Variants in PALM2AKAP2 observed in about 807,000 individuals in gnomAD.
PALM2AKAP2 encodes PALM2-AKAP2 fusion protein.
In PALM2AKAP2, 37 loss-of-function variants were observed where a neutral mutation model predicts 71.5. The observed-to-expected ratio is 0.52, with a 90% CI of 0.40 to 0.68. PALM2AKAP2 has a LOEUF of 0.68. Ranked by LOEUF, PALM2AKAP2 falls within the 30% of genes least tolerant of loss-of-function variation. The pLI, the probability that PALM2AKAP2 is intolerant of heterozygous loss-of-function variation, is 0.00. For synonymous variants in PALM2AKAP2, 468 were observed against 478.8 expected, an observed-to-expected ratio of 0.98 and a Z score of 0.29; for missense variants, 1,224 against 1,191.8, an observed-to-expected ratio of 1.03 and a Z score of -0.40.
intron 1 of PALM2AKAP2, among the ~76,000 whole-genome samples, chr9:110,052,736 T>G (rs749873928): frequency 2.0e-5 from 3 of 152,242 alleles, no homozygotes; most frequent in Non-Finnish European, 4.4e-5. Context: ...TCTTCTTGCC[T>G]TGATGGGTTG....
At chr9:110,029,364 C>T (rs1833238990) in intron 7 of PALM2AKAP2, among the ~76,000 whole-genome samples, 1 of 152,188 alleles carries the variant, frequency 6.6e-6, no homozygotes, top group Non-Finnish European at 1.5e-5. Context: ...ATGAAATACT[C>T]TTGTGCTTTT....
intron 1 of PALM2AKAP2, among the ~76,000 whole-genome samples, chr9:109,641,155 T>C (rs1827060242): frequency 6.6e-6 from 1 of 152,236 alleles, no homozygotes; most frequent in African/African-American, 2.4e-5. Context: ...TAGGCTTTCC[T>C]ATCTCTGCCC....
chr9:110,135,336 A>G (rs1292461831), intron 1 of PALM2AKAP2, among the ~76,000 whole-genome samples: 1 of 121,318 alleles, frequency 8.2e-6, no homozygotes, highest in Non-Finnish European at 1.7e-5. Flanking sequence ...CCCTCAAGAC[A>G]AAAAACCTCC....
intron 6 of PALM2AKAP2, among the ~76,000 whole-genome samples, chr9:109,985,695 G>T (rs1197384377): frequency 1.3e-5 from 2 of 150,192 alleles, no homozygotes; most frequent in African/African-American, 4.9e-5. Context: ...TCTTGCCCAG[G>T]CTGGAGTGCA....
intron 1 of PALM2AKAP2, among the ~76,000 whole-genome samples, chr9:109,851,396 C>T (rs966831683): frequency 3.3e-5 from 5 of 151,964 alleles, no homozygotes; most frequent in African/African-American, 9.7e-5. Context: ...CTAACTGGCT[C>T]GTGCATGTTA....
At chr9:109,833,182 C>A (rs1405788537) in intron 1 of PALM2AKAP2, among the ~76,000 whole-genome samples, 2 of 152,146 alleles carry the variant, frequency 1.3e-5, no homozygotes, top group Non-Finnish European at 2.9e-5. Context: ...TGGTGAAACC[C>A]TGTCTCTACT....
intron 1 of PALM2AKAP2, among the ~76,000 whole-genome samples, chr9:110,085,675 A>T (rs942728905): frequency 1.4e-4 from 21 of 152,268 alleles, no homozygotes; most frequent in African/African-American, 4.6e-4. Context: ...TAAACACTGA[A>T]TAATAAATTT....
intron 1 of PALM2AKAP2, among the ~76,000 whole-genome samples, chr9:109,826,233 G>A (rs1032193423): frequency 1.3e-5 from 2 of 149,160 alleles, no homozygotes; most frequent in Non-Finnish European, 3.0e-5. Context: ...GGGTAGGGGG[G>A]AGGGATAGCA....
chr9:109,901,532 A>G (rs1830330872), intron 3 of PALM2AKAP2, among the ~76,000 whole-genome samples: 1 of 152,244 alleles, frequency 6.6e-6, no homozygotes, highest in African/African-American at 2.4e-5. Context: ...TCTCAGGCCT[A>G]ACCACAGAAG....
intron 1 of PALM2AKAP2, among the ~76,000 whole-genome samples, chr9:109,848,778 C>CA (rs56135332): frequency 2.4e-3 from 267 of 111,998 alleles, no homozygotes; most frequent in South Asian, 6.7e-3. Context: ...CCCATCTCTA[C>CA]AAAAAAAAAA....
chr9:109,812,325 G>A (rs550254378), intron 1 of PALM2AKAP2, among the ~76,000 whole-genome samples: 83 of 152,310 alleles, frequency 5.4e-4, no homozygotes, highest in Non-Finnish European at 5.9e-4. Context: ...TCTGGATCTC[G>A]GGGTCAGGGT....
intron 1 of PALM2AKAP2, among the ~76,000 whole-genome samples, chr9:109,760,054 C>T (rs1056535326): frequency 6.6e-5 from 10 of 152,124 alleles, no homozygotes; most frequent in African/African-American, 2.4e-4. Flanking sequence ...GTTGTCAAGC[C>T]ACCCTCTTCA....
At chr9:109,993,685 T>G (rs984069656) in intron 6 of PALM2AKAP2, among the ~76,000 whole-genome samples, 24 of 151,624 alleles carry the variant, frequency 1.6e-4, no homozygotes, top group Admixed American at 1.3e-3. Flanking sequence ...CACACCACTA[T>G]TCTCTCTTCC....
At chr9:109,998,626 C>CGG (rs200124044) in intron 6 of PALM2AKAP2, among the ~76,000 whole-genome samples, 4 of 19,204 alleles carry the variant, frequency 2.1e-4, no homozygotes, top group African/African-American at 7.0e-4. Context: ...CTGACCAGGG[C>CGG]GGGGGAGTGG....
chr9:109,931,037 C>T (rs1039287591), intron 5 of PALM2AKAP2, among the ~76,000 whole-genome samples: 1 of 152,186 alleles, frequency 6.6e-6, no homozygotes, highest in Non-Finnish European at 1.5e-5. Context: ...GTGATATGGT[C>T]GTGATGCAAG....
intron 3 of PALM2AKAP2, among the ~76,000 whole-genome samples, chr9:109,901,015 G>A (rs1830321267): frequency 6.6e-6 from 1 of 152,170 alleles, no homozygotes; most frequent in South Asian, 2.1e-4. Context: ...AGCCATGTTG[G>A]GATATGAACT....
rs560919345 is a variant in PALM2AKAP2 at position 109,764,091 on chromosome 9, G to A, written c.6-16397G>A. On this transcript the variant is annotated intron_variant, in intron 1 of 6. Coordinates refer to the PALM2AKAP2 transcript ENST00000374531. ...ATCATAGTTATTACTTTCAATTCAG[G>A]CTCCTATTGTCTCTTGACTATACTC... 9.2e-5 allele frequency among the ~76,000 whole-genome samples: 14 copies of A among 152,176 alleles called. 1 individual carries two copies. Among genetic ancestry groups the A allele is most frequent in the African/African-American group, 2.2e-4 (9 of 41,518 alleles).
chr9:110,137,371 A>G (rs779467335), exon 2 of PALM2AKAP2: 4 of 1,613,922 alleles, frequency 2.5e-6, no homozygotes, highest in Non-Finnish European at 3.4e-6. Context: ...CTGTCGGGGG[A>G]CCTCCAGAAG....
chr9:109,909,096 A>T (rs1287639241), intron 3 of PALM2AKAP2, among the ~76,000 whole-genome samples: 3 of 151,406 alleles, frequency 2.0e-5, no homozygotes, highest in Non-Finnish European at 2.9e-5. Flanking sequence ...TTATGGTTTT[A>T]TTTAGGTGAG....
Sources: gnomAD v4.1 joint callset for allele counts (sites outside exome capture counted in the v4.1 genomes callset) on GRCh38, gnomAD v4.1.1 for gene constraint, MANE v1.5 for transcripts, NCBI Gene and HGNC (gene_info 2026-07-23, HGNC 2026-07-21) for gene names.